EHMT1: variants seen among roughly 807,000 people sequenced by gnomAD.
The protein encoded by EHMT1 is histone-lysine N-methyltransferase EHMT1.
EHMT1 carries 15 observed loss-of-function variants against 147.2 expected under a neutral mutation model. The ratio of observed to expected loss-of-function variants is 0.10; its 90% confidence interval spans 0.07 to 0.16. EHMT1 has a LOEUF of 0.16. Among genes scored for constraint, EHMT1 ranks in the 10% least tolerant of loss-of-function variants. The pLI, the probability that EHMT1 is intolerant of heterozygous loss-of-function variation, is 1.00. For synonymous variants in EHMT1, 795 were observed against 709.6 expected (o/e 1.12, Z -1.91); for missense variants, 1,587 against 1,772.4 (o/e 0.90, Z 1.88).
At position 137,762,812 on chromosome 9, in the gene EHMT1, G is replaced by C. The variant is rs1159403537; in HGVS notation, c.1639G>C (p.Asp547His). 6.2e-7 allele frequency: 1 copy of C among 1,614,060 alleles called. No individual in the cohort carries two copies. The highest frequency in any genetic ancestry group is 8.5e-7 in the Non-Finnish European group (1 of 1,180,040). Reference sequence around the variant, plus strand: ...CCAGTGCATGGCTACAGAGAGCGTGGACCATGAAGTAAGCACGTTTGTTTT... The same window carrying C: ...CCAGTGCATGGCTACAGAGAGCGTGCACCATGAAGTAAGCACGTTTGTTTT... ...NNQCMATESV[D>H]HELGRCTNSV... The change falls in exon 10 of 27, where the codon GAC (aspartate) becomes CAC (histidine). Residue 547 changes from aspartate (D) to histidine (H), a missense_variant. Asp to His is a moderately conservative substitution (Grantham distance 81, BLOSUM62 -1). Coordinates refer to ENST00000460843, the MANE Select transcript of EHMT1 (RefSeq NM_024757.5).
At chr9:137,833,514 C>CGCAGCTCCTCCATCCAGGCCCCA (rs1471272305) in intron 25 of EHMT1, among the ~76,000 whole-genome samples, 1 of 152,256 alleles carries the variant, frequency 6.6e-6, no homozygotes, top group Non-Finnish European at 1.5e-5. Flanking sequence ...CTTACTCCCA[C>CGCAGCTCCTCCATCCAGGCCCCA]GCAGCTCCTC....
At chr9:137,789,445 C>T (rs1185261980) in intron 15 of EHMT1, among the ~76,000 whole-genome samples, 2 of 152,224 alleles carry the variant, frequency 1.3e-5, no homozygotes, top group African/African-American at 4.8e-5. Context: ...ACAGCACGGG[C>T]CTCGCTCTCT....
chr9:137,706,968 GCA>G (rs1944320752), intron 1 of EHMT1, among the ~76,000 whole-genome samples: 1 of 151,316 alleles, frequency 6.6e-6, no homozygotes, highest in Non-Finnish European at 1.5e-5. Flanking sequence ...GGGATTACAG[GCA>G]TGTGCCACCA....
chr9:137,721,077 T>A (rs1409053121), intron 3 of EHMT1, among the ~76,000 whole-genome samples: 1 of 151,958 alleles, frequency 6.6e-6, no homozygotes, highest in African/African-American at 2.4e-5. Flanking sequence ...TGCGCTGGTG[T>A]TTCCTCGAGG....
chr9:137,716,600 A>C (rs780048827), intron 2 of EHMT1, 26 bp from the exon 3 acceptor site: 5 of 1,539,048 alleles, frequency 3.2e-6, no homozygotes, highest in Non-Finnish European at 4.4e-6. Flanking sequence ...GCCTGCAGTC[A>C]GTGACACTCG....
intron 1 of EHMT1, among the ~76,000 whole-genome samples, chr9:137,663,846 T>A (rs1939344521): frequency 6.6e-6 from 1 of 152,234 alleles, no homozygotes; most frequent in African/African-American, 2.4e-5. Flanking sequence ...TGCATGTCCT[T>A]GTTCCCTGTG....
At chr9:137,771,576 G>C (rs907386199) in intron 10 of EHMT1, among the ~76,000 whole-genome samples, 2 of 152,150 alleles carry the variant, frequency 1.3e-5, no homozygotes, top group Non-Finnish European at 2.9e-5. Flanking sequence ...TCCTGGTCTT[G>C]GCTGGTTGGC....
At chr9:137,821,497 T>A (rs991010906) in intron 25 of EHMT1, among the ~76,000 whole-genome samples, 12 of 151,910 alleles carry the variant, frequency 7.9e-5, no homozygotes, top group Admixed American at 5.2e-4. Flanking sequence ...CCGGCTAATT[T>A]TTTTATTTTA....
chr9:137,812,110 A>G (rs1339967004), intron 19 of EHMT1, among the ~76,000 whole-genome samples: 1 of 152,216 alleles, frequency 6.6e-6, no homozygotes, highest in Non-Finnish European at 1.5e-5. Context: ...AGGCTGAGGC[A>G]GGCAGATCAC....
intron 1 of EHMT1, chr9:137,685,292 G>A (rs1942332025): frequency 6.6e-6 from 1 of 152,156 alleles, no homozygotes; most frequent in Admixed American, 6.6e-5. Context: ...GGTAACCCCT[G>A]ATAGACTTTT....
At chr9:137,769,941 A>G (rs561792513) in intron 10 of EHMT1, among the ~76,000 whole-genome samples, 147 of 152,142 alleles carry the variant, frequency 9.7e-4, no homozygotes, top group African/African-American at 3.0e-3. Flanking sequence ...GGCTCAAGCA[A>G]TTCTCCTGCC....
chr9:137,638,711 C>A (rs1844263766), intron 1 of EHMT1, among the ~76,000 whole-genome samples: 1 of 151,824 alleles, frequency 6.6e-6, no homozygotes, highest in South Asian at 2.1e-4. Flanking sequence ...GTAGGGTAGG[C>A]CTCTAATCCA....
intron 1 of EHMT1, among the ~76,000 whole-genome samples, chr9:137,694,892 A>T (rs771362858): frequency 2.6e-5 from 4 of 152,152 alleles, no homozygotes; most frequent in Non-Finnish European, 4.4e-5. Context: ...CTTGAAGGAG[A>T]TGGTAGATAA....
chr9:137,639,832 T>C (rs1312018536), intron 1 of EHMT1, among the ~76,000 whole-genome samples: 1 of 152,230 alleles, frequency 6.6e-6, no homozygotes, highest in Non-Finnish European at 1.5e-5. Context: ...ACTGCAAGGA[T>C]GTCTGTTGTA....
intron 1 of EHMT1, among the ~76,000 whole-genome samples, chr9:137,691,765 T>C (rs995272455): frequency 8.5e-5 from 13 of 152,158 alleles, no homozygotes; most frequent in African/African-American, 3.1e-4. Flanking sequence ...TGCCAGCACT[T>C]GTAAGGGTCC....
intron 10 of EHMT1, among the ~76,000 whole-genome samples, chr9:137,768,529 ATTTTTTTTTTTTTTTTTTTTTTTTTTTT>A (rs947901899): frequency 5.5e-5 from 1 of 18,280 alleles, no homozygotes; most frequent in African/African-American, 1.5e-4. Flanking sequence ...AATTTTTTGT[ATTTTTTTTTTTTTTTTTTTTTTTTTTTT>A]TTTTTTTTTT....
intron 16 of EHMT1, 140 bp from the exon 17 acceptor site, chr9:137,798,673 G>T: frequency 1.3e-6 from 1 of 766,006 alleles, no homozygotes; most frequent in Non-Finnish European, 2.3e-6. Flanking sequence ...CTCGGCCTCA[G>T]CCTGGGTTTC....
chr9:137,779,544 G>T (rs1422272737), intron 13 of EHMT1, 91 bp from the exon 14 acceptor site: 28 of 1,367,860 alleles, frequency 2.0e-5, no homozygotes, highest in Non-Finnish European at 2.8e-5. Context: ...TTGAGGGGCT[G>T]GTGGGGAGAT....
chr9:137,813,370 G>A lies in EHMT1; in HGVS notation c.3036-16G>A. ...GCACGTCAGCCACCAGGTGACACCT[G>A]TCCTTTCCATGGCAGGGACATCGCT... is the stretch of plus-strand genomic sequence containing the variant. On this transcript the variant is annotated splice_polypyrimidine_tract_variant and intron_variant, in intron 20 of 26. Coordinates refer to ENST00000460843, the MANE Select transcript of EHMT1 (RefSeq NM_024757.5). This position sits in a 1 kb window ranked among gnomAD's most constrained non-coding sequence, Gnocchi z 4.9. 6.2e-7 allele frequency: 1 copy of A among 1,607,344 alleles called. No homozygotes were observed. The highest frequency in any genetic ancestry group is 8.5e-7 in the Non-Finnish European group (1 of 1,178,266).
Sources: allele counts gnomAD v4.1 joint callset (sites outside exome capture counted in the v4.1 genomes callset), GRCh38; gene constraint gnomAD v4.1.1; non-coding constraint Gnocchi (gnomAD v3.1); transcripts MANE v1.5; gene names NCBI Gene and HGNC (gene_info 2026-07-23, HGNC 2026-07-21).